The following CAB39L variants were observed in gnomAD, a reference collection of about 807,000 sequenced individuals.
CAB39L encodes the protein calcium-binding protein 39-like.
Under a neutral mutation model 39.1 loss-of-function variants are expected in CAB39L, and 23 were observed. The ratio of observed to expected loss-of-function variants is 0.59; its 90% confidence interval spans 0.42 to 0.83. CAB39L has a LOEUF of 0.83. Ranked by LOEUF, CAB39L falls within the 40% of genes least tolerant of loss-of-function variation. The probability of loss-of-function intolerance (pLI) is 0.00; values close to 1 mark genes in which losing one functional copy is unlikely to be tolerated. For missense variants in CAB39L, 366 were observed against 391.9 expected (o/e 0.93, Z 0.56); for synonymous variants, 126 against 137.2 (o/e 0.92, Z 0.57).
intron 10 of CAB39L, among the ~76,000 whole-genome samples, chr13:49,314,186 T>C (rs1954086318): frequency 6.6e-6 from 1 of 151,792 alleles, no homozygotes; most frequent in Admixed American, 6.6e-5. Flanking sequence ...TAAGAATGAG[T>C]AAGGGAACGT....
intron 3 of CAB39L, among the ~76,000 whole-genome samples, chr13:49,430,246 GATA>G (rs1957300764): frequency 6.6e-6 from 1 of 152,152 alleles, no homozygotes; most frequent in South Asian, 2.1e-4. Context: ...AACTGCTATA[GATA>G]GTTGGGCGGA....
intron 3 of CAB39L, among the ~76,000 whole-genome samples, chr13:49,395,504 T>A (rs1013039733): frequency 6.6e-6 from 1 of 152,174 alleles, no homozygotes; most frequent in African/African-American, 2.4e-5. Context: ...AGTGCTGGGA[T>A]TACAGGCATG....
At chr13:49,348,447 G>T (rs1429173994) in intron 7 of CAB39L, among the ~76,000 whole-genome samples, 1 of 152,050 alleles carries the variant, frequency 6.6e-6, no homozygotes, top group African/African-American at 2.4e-5. Context: ...ATGCGCCCGT[G>T]GTCCCAGCTA....
intron 10 of CAB39L, among the ~76,000 whole-genome samples, chr13:49,326,991 T>C (rs1954521214): frequency 1.3e-5 from 2 of 152,224 alleles, no homozygotes; most frequent in South Asian, 4.1e-4. Flanking sequence ...TTTTATAATG[T>C]GTAGGCATTT....
chr13:49,351,581 A>G (rs1955358310), intron 6 of CAB39L, among the ~76,000 whole-genome samples: 1 of 152,186 alleles, frequency 6.6e-6, no homozygotes, highest in Non-Finnish European at 1.5e-5. Flanking sequence ...GCCTTTGGAG[A>G]GTTTAAAGCA....
chr13:49,330,797 A>T (rs905755750), intron 10 of CAB39L, among the ~76,000 whole-genome samples: 6 of 151,722 alleles, frequency 4.0e-5, no homozygotes, highest in Admixed American at 3.3e-4. Flanking sequence ...AAGAATCTTA[A>T]ATATTAAAAA....
intron 10 of CAB39L, among the ~76,000 whole-genome samples, chr13:49,330,945 T>C (rs765621349): frequency 6.6e-5 from 10 of 152,164 alleles, no homozygotes; most frequent in East Asian, 5.8e-4. Context: ...GTGAGAAATA[T>C]ACTGGCTCTA....
intron 3 of CAB39L, among the ~76,000 whole-genome samples, chr13:49,417,347 C>A (rs367544718): frequency 6.6e-6 from 1 of 152,178 alleles, no homozygotes; most frequent in Admixed American, 6.5e-5. Context: ...CATCTGCCTA[C>A]TTGCAGTCTG....
intron 10 of CAB39L, among the ~76,000 whole-genome samples, chr13:49,326,156 C>A (rs2138370845): frequency 6.6e-6 from 1 of 152,248 alleles, no homozygotes; most frequent in African/African-American, 2.4e-5. Context: ...TGGGAAGGGG[C>A]AACACGGCCC....
At chr13:49,442,618 C>T (rs1957546264) in intron 1 of CAB39L, among the ~76,000 whole-genome samples, 2 of 151,730 alleles carry the variant, frequency 1.3e-5, no homozygotes, top group South Asian at 4.2e-4. Flanking sequence ...ATGGTGAAAC[C>T]CCATCTCTAC....
rs530126083 is a variant in CAB39L, at chr13:49,403,724, C to T, written c.-31-20783G>A. On this transcript the variant is annotated intron_variant, in intron 3 of 10. Transcript: ENST00000409308. Reference sequence around the variant, plus strand: ...TCTGTTTCATGGAATGAAGTGTTGCCTAACTCTAGAATCACAAATAAGGCC... The same window carrying T: ...TCTGTTTCATGGAATGAAGTGTTGCTTAACTCTAGAATCACAAATAAGGCC... Among the ~76,000 whole-genome samples the T allele has an allele frequency of 2.0e-5, 3 of 151,840 alleles. No individual in the cohort carries two copies. In the East Asian group the frequency reaches 5.8e-4, roughly 29 times the overall value.
chr13:49,349,669 T>G (rs1955282821), intron 7 of CAB39L, among the ~76,000 whole-genome samples: 1 of 152,068 alleles, frequency 6.6e-6, no homozygotes, highest in Non-Finnish European at 1.5e-5. Flanking sequence ...TTCTTATAAT[T>G]ATTATCCCTC....
intron 3 of CAB39L, among the ~76,000 whole-genome samples, chr13:49,387,948 G>C (rs1054372327): frequency 1.5e-4 from 23 of 152,140 alleles, no homozygotes; most frequent in African/African-American, 5.3e-4. Context: ...CATTCGAAAA[G>C]TATTTACTGA....
chr13:49,379,998 C>G (rs775075343), intron 4 of CAB39L, among the ~76,000 whole-genome samples: 1 of 152,018 alleles, frequency 6.6e-6, no homozygotes, highest in African/African-American at 2.4e-5. Context: ...CCCGCCACCA[C>G]GCCCGGCTAA....
chr13:49,337,299 T>C (rs1252548695), intron 9 of CAB39L, among the ~76,000 whole-genome samples: 1 of 152,234 alleles, frequency 6.6e-6, no homozygotes, highest in East Asian at 1.9e-4. Context: ...ACAAGTGTGA[T>C]GTTTAGCAAG....
chr13:49,345,654 C>A (rs566998263), intron 7 of CAB39L, among the ~76,000 whole-genome samples: 1 of 152,172 alleles, frequency 6.6e-6, no homozygotes, highest in East Asian at 1.9e-4. Flanking sequence ...TTTCAAGCAT[C>A]CCTCCCCTAA....
At chr13:49,401,401 C>G (rs893838822) in intron 3 of CAB39L, 1 of 152,194 alleles carries the variant, frequency 6.6e-6, no homozygotes, top group African/African-American at 2.4e-5. Context: ...TCACATAGGG[C>G]AGCTGTAAAT....
At chr13:49,355,739 G>A (rs1327642101) in intron 6 of CAB39L, among the ~76,000 whole-genome samples, 3 of 151,632 alleles carry the variant, frequency 2.0e-5, no homozygotes, top group Admixed American at 6.6e-5. Flanking sequence ...GATACTAGAA[G>A]AGTGTGTGTC....
chr13:49,371,273 C>T (rs1173610473), intron 5 of CAB39L, among the ~76,000 whole-genome samples: 2 of 150,338 alleles, frequency 1.3e-5, no homozygotes, highest in Non-Finnish European at 3.0e-5. Flanking sequence ...CTGCAACCTC[C>T]TCCTCCTGGG....
Sources: gnomAD v4.1 joint callset for allele counts (sites outside exome capture counted in the v4.1 genomes callset) on GRCh38, gnomAD v4.1.1 for gene constraint, MANE v1.5 for transcripts, NCBI Gene and HGNC (gene_info 2026-07-23, HGNC 2026-07-21) for gene names.